Variants in PFKP observed in about 807,000 individuals in gnomAD.
PFKP encodes the protein ATP-dependent 6-phosphofructokinase, platelet type.
Under a neutral mutation model 94.3 loss-of-function variants are expected in PFKP, and 101 were observed. The observed-to-expected ratio is 1.07, with a 90% CI of 0.91 to 1.26. The LOEUF (loss-of-function observed/expected upper bound fraction) is 1.26, where lower values mean the gene tolerates loss of function less well. PFKP is among the 50% of genes most tolerant of loss of function. PFKP has a pLI of 0.00. For missense variants in PFKP, 1,145 were observed against 1,103.3 expected (o/e 1.04, Z -0.53); for synonymous variants, 573 against 432.6 (o/e 1.32, Z -4.03).
intron 13 of PFKP, among the ~76,000 whole-genome samples, chr10:3,115,296 C>CT (rs1179944666): frequency 6.9e-6 from 1 of 145,888 alleles, no homozygotes; most frequent in Non-Finnish European, 1.5e-5. Context: ...GAGGACAGGA[C>CT]TGGGGATGCT....
At chr10:3,101,799 C>G (rs910895289) in intron 4 of PFKP, among the ~76,000 whole-genome samples, 13 of 152,214 alleles carry the variant, frequency 8.5e-5, no homozygotes, top group Non-Finnish European at 1.0e-4. Context: ...GGAATCCTCA[C>G]GACAGCCATC....
rs758337637 is a variant in PFKP, at chr10:3,103,862, G to A, written c.538G>A (p.Gly180Ser). 2.9e-5 allele frequency: 47 copies of A among 1,613,902 alleles called. 1 individual carries two copies. Among genetic ancestry groups the A allele is most frequent in the Middle Eastern group, 3.3e-4 (2 of 6,084 alleles). ...MVGSIDNDFC[G>S]TDMTIGTDSA... ...GGGCTCCATCGACAATGATTTCTGC[G>A]GCACCGACATGACCATCGGCACGGA... The change falls in exon 5 of 22, where the codon GGC becomes AGC. Residue 180 changes from glycine (G) to serine (S), a missense_variant. Gly to Ser is a moderately conservative substitution (Grantham distance 56, BLOSUM62 0). Transcript: ENST00000381125.
chr10:3,130,419 G>A (rs1352675698), intron 17 of PFKP, among the ~76,000 whole-genome samples: 2 of 152,196 alleles, frequency 1.3e-5, no homozygotes, highest in African/African-American at 4.8e-5. Context: ...GGCATCTGTG[G>A]CTCTTTTAGG....
intron 1 of PFKP, among the ~76,000 whole-genome samples, chr10:3,069,662 C>T (rs865815086): frequency 2.6e-5 from 4 of 151,852 alleles, no homozygotes; most frequent in South Asian, 2.1e-4. Context: ...GCAGGAGGCT[C>T]GCTTGAGCCG....
intron 13 of PFKP, among the ~76,000 whole-genome samples, chr10:3,114,522 G>A (rs1437806035): frequency 3.9e-5 from 6 of 152,222 alleles, no homozygotes; most frequent in Non-Finnish European, 8.8e-5. Context: ...CTGGTTCCGT[G>A]GAGACTGCGT....
At chr10:3,106,067 TTC>T (rs1468782996) in intron 7 of PFKP, among the ~76,000 whole-genome samples, 10 of 152,158 alleles carry the variant, frequency 6.6e-5, no homozygotes, top group South Asian at 2.1e-4. Flanking sequence ...TCACGCCGTT[TTC>T]TCTCTCCCGA....
At chr10:3,117,127 G>A (rs1336847587) in intron 14 of PFKP, among the ~76,000 whole-genome samples, 1 of 152,216 alleles carries the variant, frequency 6.6e-6, no homozygotes, top group Non-Finnish European at 1.5e-5. Context: ...CGAGCCTAAA[G>A]CCTCCACTTG....
At chr10:3,110,365 A>ATTTTTTTTTTTTTTTTTTTT (rs57980780) in intron 10 of PFKP, among the ~76,000 whole-genome samples, 4 of 92,582 alleles carry the variant, frequency 4.3e-5, no homozygotes, top group African/African-American at 4.1e-5. Context: ...CGCCTGGCTA[A>ATTTTTTTTTTTTTTTTTTTT]TTTTTTTTTT....
At chr10:3,081,744 C>T (rs1284830524) in intron 1 of PFKP, among the ~76,000 whole-genome samples, 3 of 147,348 alleles carry the variant, frequency 2.0e-5, no homozygotes, top group East Asian at 2.0e-4. Context: ...TATGATGATA[C>T]ATTGTAAGCA....
intron 10 of PFKP, among the ~76,000 whole-genome samples, chr10:3,110,365 ATTTTTTT>A (rs57980780): frequency 1.4e-3 from 126 of 92,576 alleles, no homozygotes; most frequent in African/African-American, 4.6e-3. Context: ...CGCCTGGCTA[ATTTTTTT>A]TTTTTTTTTT....
intron 8 of PFKP, chr10:3,108,089 C>A: frequency 9.0e-7 from 1 of 1,105,006 alleles, no homozygotes; most frequent in Non-Finnish European, 1.2e-6. Flanking sequence ...TATAAGTGGT[C>A]ATCCATAAAG....
At chr10:3,134,810 ATGCAGTC>A (rs1300448105) in intron 20 of PFKP, among the ~76,000 whole-genome samples, 7 of 152,346 alleles carry the variant, frequency 4.6e-5, no homozygotes, top group African/African-American at 1.7e-4. Flanking sequence ...TCACTGCTAG[ATGCAGTC>A]TGCAGTTCTT....
intron 16 of PFKP, among the ~76,000 whole-genome samples, chr10:3,122,323 G>C (rs2131658045): frequency 6.6e-6 from 1 of 152,266 alleles, no homozygotes; most frequent in Non-Finnish European, 1.5e-5. Context: ...GTCTGACCGA[G>C]GTCACCCTGG....
intron 16 of PFKP, among the ~76,000 whole-genome samples, chr10:3,125,798 G>A (rs891251259): frequency 6.6e-6 from 1 of 152,198 alleles, no homozygotes; most frequent in African/African-American, 2.4e-5. Flanking sequence ...CCCACATGGT[G>A]GCCCCTCCGG....
intron 2 of PFKP, among the ~76,000 whole-genome samples, chr10:3,086,848 T>C (rs1320075054): frequency 1.3e-5 from 2 of 152,178 alleles, no homozygotes; most frequent in Non-Finnish European, 2.9e-5. Context: ...GTCGCCCGTC[T>C]GTTTCCTGGT....
chr10:3,113,587 G>T, intron 13 of PFKP, 69 bp downstream of exon 13: 4 of 1,452,264 alleles, frequency 2.8e-6, no homozygotes, highest in Non-Finnish European at 2.8e-6. Context: ...TGGCGGCGGG[G>T]GGGTGCCCTC....
intron 13 of PFKP, among the ~76,000 whole-genome samples, chr10:3,113,871 C>T (rs1307511108): frequency 6.6e-6 from 1 of 152,168 alleles, no homozygotes; most frequent in Non-Finnish European, 1.5e-5. Flanking sequence ...CAGGCAGTGT[C>T]TGGTGTGCAC....
At chr10:3,076,878 A>C (rs1008203670) in intron 1 of PFKP, among the ~76,000 whole-genome samples, 4 of 152,132 alleles carry the variant, frequency 2.6e-5, no homozygotes, top group Non-Finnish European at 4.4e-5. Context: ...ATGACTTTGA[A>C]CTGGCAGGGG....
chr10:3,074,628 G>A (rs1832444723), intron 1 of PFKP, among the ~76,000 whole-genome samples: 1 of 152,236 alleles, frequency 6.6e-6, no homozygotes, highest in Non-Finnish European at 1.5e-5. Context: ...ACTTGAGTGT[G>A]TCAGGGCTTG....
Sources: allele counts gnomAD v4.1 joint callset (sites outside exome capture counted in the v4.1 genomes callset), GRCh38; gene constraint gnomAD v4.1.1; transcripts MANE v1.5; gene names NCBI Gene and HGNC (gene_info 2026-07-23, HGNC 2026-07-21).